Variants in NFIB observed in about 807,000 individuals in gnomAD.
NFIB encodes nuclear factor I B, also known as nuclear factor 1 B-type.
Under a neutral mutation model 61.5 loss-of-function variants are expected in NFIB, and 11 were observed. That is an observed-to-expected ratio of 0.18 (90% CI 0.11 to 0.30). The LOEUF is 0.30. Ranked by LOEUF, NFIB falls within the 10% of genes least tolerant of loss-of-function variation. NFIB has a pLI of 1.00. For missense variants in NFIB, 471 were observed against 608.9 expected, an observed-to-expected ratio of 0.77 and a Z score of 2.38; for synonymous variants, 260 against 216.5, an observed-to-expected ratio of 1.20 and a Z score of -1.76.
the NFIB span, among the ~76,000 whole-genome samples, chr9:14,469,877 G>A: frequency 6.6e-6 from 1 of 152,166 alleles, no homozygotes; most frequent in Non-Finnish European, 1.5e-5. Context: ...CTGTGTCTAG[G>A]TGACTTTTTA....
At chr9:14,278,493 T>C (rs1387508822) in intron 2 of NFIB, among the ~76,000 whole-genome samples, 2 of 152,108 alleles carry the variant, frequency 1.3e-5, no homozygotes, top group Non-Finnish European at 2.9e-5. Flanking sequence ...AAAGCAACAG[T>C]GTACAGAAGG....
intron 2 of NFIB, among the ~76,000 whole-genome samples, chr9:14,198,619 T>C (rs181074824): frequency 2.1e-4 from 32 of 152,166 alleles, no homozygotes; most frequent in African/African-American, 7.2e-4. Context: ...CCTGAGATGC[T>C]TGTTAGAAAT....
At chr9:14,449,263 A>G in the NFIB span, among the ~76,000 whole-genome samples, 1 of 152,166 alleles carries the variant, frequency 6.6e-6, no homozygotes, top group African/African-American at 2.4e-5. Context: ...TTATTTCCCC[A>G]ACTATGCTTC....
chr9:14,280,675 G>A (rs949634188), intron 2 of NFIB, among the ~76,000 whole-genome samples: 7 of 152,240 alleles, frequency 4.6e-5, no homozygotes, highest in African/African-American at 1.7e-4. Context: ...AGGCAAGGGG[G>A]GACTCAGGAT....
At chr9:14,511,317 C>T in the NFIB span, among the ~76,000 whole-genome samples, 83,641 of 151,686 alleles carry the variant, frequency 0.55, 23,564 homozygotes, top group Non-Finnish European at 0.62. Flanking sequence ...GAGGATTTTA[C>T]ACTTGATTAC....
At chr9:14,235,389 G>C (rs1039346339) in intron 2 of NFIB, among the ~76,000 whole-genome samples, 4 of 152,150 alleles carry the variant, frequency 2.6e-5, no homozygotes, top group African/African-American at 9.7e-5. Flanking sequence ...TAGTGCTGAA[G>C]GCCTCAGCTT....
In NFIB at chr9:14,332,319, C is replaced by A. The variant is rs536071896; in HGVS notation, c.109-24799G>T. 5.8e-4 allele frequency among the ~76,000 whole-genome samples: 67 copies of A among 115,286 alleles called. 1 individual carries two copies. The South Asian group carries it at 0.021, about 36-fold the overall frequency. 75.6% of individuals were successfully genotyped at this position (115,286 alleles called of 152,430 possible). ...CTGCACTCCAGCCTGGGCAACAGAG[C>A]GAGACTCCGTCAAAAAAAAAAAAAA... On this transcript the variant is annotated intron_variant, in intron 1 of 8. Coordinates refer to the NFIB transcript ENST00000380934.
the NFIB span, among the ~76,000 whole-genome samples, chr9:14,458,664 C>A: frequency 6.6e-6 from 1 of 152,190 alleles, no homozygotes; most frequent in Non-Finnish European, 1.5e-5. Flanking sequence ...GCAACTTCAG[C>A]AAAGTCTCAG....
chr9:14,273,195 T>C (rs1248513136), intron 2 of NFIB, among the ~76,000 whole-genome samples: 1 of 152,142 alleles, frequency 6.6e-6, no homozygotes, highest in African/African-American at 2.4e-5. Context: ...TTTTAATAAG[T>C]ACATTTTCCG....
the NFIB span, among the ~76,000 whole-genome samples, chr9:14,408,421 T>C: frequency 1.3e-5 from 2 of 152,210 alleles, no homozygotes; most frequent in Admixed American, 6.5e-5. Flanking sequence ...AGGGTATGAC[T>C]TTCTTCCCCA....
chr9:14,283,725 G>A (rs1240223212), intron 2 of NFIB, among the ~76,000 whole-genome samples: 1 of 152,214 alleles, frequency 6.6e-6, no homozygotes, highest in Non-Finnish European at 1.5e-5. Context: ...TAAATGTTGT[G>A]CGTTGGCATC....
At chr9:14,474,872 T>C in the NFIB span, among the ~76,000 whole-genome samples, 4 of 152,172 alleles carry the variant, frequency 2.6e-5, no homozygotes, top group Non-Finnish European at 5.9e-5. Context: ...AGCACTGATA[T>C]CTGAGGGCAG....
chr9:14,162,988 TG>T (rs1327960798), intron 3 of NFIB, among the ~76,000 whole-genome samples: 2 of 151,998 alleles, frequency 1.3e-5, no homozygotes, highest in African/African-American at 4.8e-5. Context: ...AAGGCAGCCC[TG>T]GGGCAAGACT....
chr9:14,280,640 T>C (rs2058309495), intron 2 of NFIB, among the ~76,000 whole-genome samples: 1 of 152,150 alleles, frequency 6.6e-6, no homozygotes, highest in Non-Finnish European at 1.5e-5. Flanking sequence ...TCCCAGGGAA[T>C]TCCACTTCCA....
chr9:14,516,929 G>C, the NFIB span, among the ~76,000 whole-genome samples: 3 of 152,162 alleles, frequency 2.0e-5, no homozygotes, highest in African/African-American at 7.2e-5. Flanking sequence ...AATTACATTA[G>C]CCTGCCAGAT....
chr9:14,160,606 C>T (rs968004809), intron 3 of NFIB, among the ~76,000 whole-genome samples: 3 of 152,048 alleles, frequency 2.0e-5, no homozygotes, highest in East Asian at 3.9e-4. Context: ...CCTAAAAAGG[C>T]ATGTGAAATT....
chr9:14,399,629 T>C (rs1011260302), upstream of NFIB, among the ~76,000 whole-genome samples: 3 of 152,208 alleles, frequency 2.0e-5, no homozygotes, highest in Non-Finnish European at 4.4e-5. Flanking sequence ...TTAAGTTTAC[T>C]TAGATTTGAT....
At chr9:14,168,892 A>G (rs1254401195) in intron 3 of NFIB, among the ~76,000 whole-genome samples, 1 of 151,908 alleles carries the variant, frequency 6.6e-6, no homozygotes, top group Non-Finnish European at 1.5e-5. Context: ...GCTCACAAGT[A>G]CTCCCTTCTT....
chr9:14,252,074 G>C (rs1369392503), intron 2 of NFIB, among the ~76,000 whole-genome samples: 1 of 152,178 alleles, frequency 6.6e-6, no homozygotes, highest in East Asian at 1.9e-4. Flanking sequence ...GGAGTAGCCA[G>C]TTTTTAAAAC....
Sources: allele counts gnomAD v4.1 joint callset (sites outside exome capture counted in the v4.1 genomes callset), GRCh38; gene constraint gnomAD v4.1.1; transcripts MANE v1.5; gene names NCBI Gene and HGNC (gene_info 2026-07-23, HGNC 2026-07-21).